The following RAB6A variants were observed in gnomAD, a reference collection of about 807,000 sequenced individuals.
RAB6A encodes ras-related protein Rab-6A.
RAB6A carries 8 observed loss-of-function variants against 32.3 expected under a neutral mutation model. The observed-to-expected ratio is 0.25, with a 90% CI of 0.15 to 0.45. The LOEUF is 0.45. RAB6A is among the 20% of genes least tolerant of loss of function. The pLI, the probability that RAB6A is intolerant of heterozygous loss-of-function variation, is 1.00. For missense variants in RAB6A, 104 were observed against 249.4 expected (o/e 0.42, Z 3.93); for synonymous variants, 73 against 82.1 (o/e 0.89, Z 0.60).
intron 6 of RAB6A, among the ~76,000 whole-genome samples, chr11:73,691,471 C>T (rs1022505913): frequency 1.3e-5 from 2 of 152,188 alleles, no homozygotes; most frequent in Admixed American, 6.5e-5. Context: ...CCAAGTAGCA[C>T]CAGTAGTTCT....
intron 5 of RAB6A, among the ~76,000 whole-genome samples, chr11:73,710,698 T>C (rs1197357531): frequency 6.6e-6 from 1 of 151,800 alleles, no homozygotes. Context: ...GGTTGTGCTA[T>C]TGCACTCCAG....
At chr11:73,743,024 C>T (rs919359698) in intron 1 of RAB6A, among the ~76,000 whole-genome samples, 10 of 152,028 alleles carry the variant, frequency 6.6e-5, no homozygotes, top group Admixed American at 2.0e-4. Context: ...CACTGTAAGG[C>T]CAAGCACGGT....
intron 1 of RAB6A, among the ~76,000 whole-genome samples, chr11:73,751,506 A>C (rs1946668264): frequency 1.3e-5 from 2 of 152,200 alleles, no homozygotes; most frequent in South Asian, 4.1e-4. Context: ...GGCCAAGTAC[A>C]TCTAGAAATA....
At chr11:73,754,629 A>T (rs1334031924) in intron 1 of RAB6A, among the ~76,000 whole-genome samples, 1 of 152,218 alleles carries the variant, frequency 6.6e-6, no homozygotes, top group Non-Finnish European at 1.5e-5. Flanking sequence ...AAATGATGTT[A>T]ACATGAAGGC....
chr11:73,718,275 G>A (rs1164397244), intron 4 of RAB6A, among the ~76,000 whole-genome samples: 1 of 152,098 alleles, frequency 6.6e-6, no homozygotes, highest in Admixed American at 6.6e-5. Context: ...CTTAAATGCA[G>A]ATCATTTTAT....
At chr11:73,705,911 C>CA (rs1298238615) in intron 6 of RAB6A, among the ~76,000 whole-genome samples, 10 of 151,626 alleles carry the variant, frequency 6.6e-5, no homozygotes, top group African/African-American at 2.2e-4. Flanking sequence ...TGGGAAATGT[C>CA]AGAGAAAATG....
chr11:73,727,361 G>C (rs1202703931), intron 2 of RAB6A, among the ~76,000 whole-genome samples: 1 of 151,714 alleles, frequency 6.6e-6, no homozygotes, highest in Non-Finnish European at 1.5e-5. Flanking sequence ...AAGAATTCAA[G>C]GTGACAATGA....
rs145356789 is a variant in RAB6A at position 73,733,275 on chromosome 11, G to A, written c.71-2452C>T. ...TCTCCAGCTGTATTTTAGGCCAGGC[G>A]CGGTGGCTCACAGCTGTAATCCCAA... On this transcript the variant is annotated intron_variant, in intron 1 of 7. Transcript: ENST00000336083. 7.5e-4 allele frequency among the ~76,000 whole-genome samples: 114 copies of A among 152,218 alleles called. 1 individual carries two copies. The highest frequency in any genetic ancestry group is 3.4e-3 in the Middle Eastern group (1 of 294).
intron 1 of RAB6A, chr11:73,759,955 T>A: frequency 9.5e-5 from 94 of 992,756 alleles, no homozygotes; most frequent in Non-Finnish European, 1.2e-4. Flanking sequence ...CATGCTCAAG[T>A]CGTCTCCAAT....
At chr11:73,714,934 C>A (rs965379950) in intron 5 of RAB6A, among the ~76,000 whole-genome samples, 2 of 152,066 alleles carry the variant, frequency 1.3e-5, no homozygotes, top group Non-Finnish European at 2.9e-5. Flanking sequence ...CCACTGCATT[C>A]CAGCCTGGGC....
chr11:73,704,110 G>A (rs1300153488), intron 6 of RAB6A: 2 of 298,960 alleles, frequency 6.7e-6, no homozygotes, highest in South Asian at 2.8e-5. Context: ...CGACCAGGCA[G>A]AGGGGCTCAT....
At position 73,743,833 on chromosome 11, in the gene RAB6A, T is replaced by C. The variant is rs151249468; in HGVS notation, c.71-13010A>G. Among the ~76,000 whole-genome samples, 521 of 152,294 alleles carry C rather than the reference T, an allele frequency of 3.4e-3. 2 individuals are homozygous for C. The highest frequency in any genetic ancestry group is 5.5e-3 in the Non-Finnish European group (373 of 68,028). ...CTGGTTACATTATTAGCTCATAAAA[T>C]TGATATCAGATATGGTTCTGCCTGA... On this transcript the variant is annotated intron_variant, in intron 1 of 7. Transcript: ENST00000336083.
At chr11:73,700,373 G>A (rs1201478397) in intron 6 of RAB6A, among the ~76,000 whole-genome samples, 4 of 152,132 alleles carry the variant, frequency 2.6e-5, no homozygotes, top group Admixed American at 6.6e-5. Context: ...GGCCAAGGCT[G>A]GTGGATCACT....
chr11:73,679,252 G>A (rs1318178327), intron 7 of RAB6A, among the ~76,000 whole-genome samples: 1 of 152,150 alleles, frequency 6.6e-6, no homozygotes, highest in Non-Finnish European at 1.5e-5. Context: ...TGAAAGCAGA[G>A]GCTACAATAA....
intron 6 of RAB6A, among the ~76,000 whole-genome samples, chr11:73,699,724 C>T (rs1026192678): frequency 1.3e-5 from 2 of 152,182 alleles, no homozygotes; most frequent in African/African-American, 4.8e-5. Context: ...CCACATTTTA[C>T]ATAACTTTTT....
intron 6 of RAB6A, among the ~76,000 whole-genome samples, chr11:73,701,436 T>C (rs59986784): frequency 5.3e-4 from 81 of 152,348 alleles, no homozygotes; most frequent in African/African-American, 1.9e-3. Flanking sequence ...AACTTCTGAA[T>C]TGTGACTGAC....
intron 1 of RAB6A, among the ~76,000 whole-genome samples, chr11:73,731,721 TATATATATATACACAC>T (rs1302116390): frequency 0.11 from 1,223 of 11,088 alleles, 28 homozygotes; most frequent in East Asian, 0.29. Context: ...TATATATATA[TATATATATATACACAC>T]ACACACACAT....
At chr11:73,708,204 T>C (rs996134818) in intron 5 of RAB6A, among the ~76,000 whole-genome samples, 7 of 151,972 alleles carry the variant, frequency 4.6e-5, no homozygotes, top group Non-Finnish European at 7.4e-5. Flanking sequence ...GTTTTGCTCT[T>C]GTCACCCAGG....
chr11:73,727,560 AACT>A (rs1365763537), intron 2 of RAB6A, among the ~76,000 whole-genome samples: 1 of 152,222 alleles, frequency 6.6e-6, no homozygotes, highest in Non-Finnish European at 1.5e-5. Flanking sequence ...AAACCCATCC[AACT>A]ACTAAATGGT....
Sources: gnomAD v4.1 joint callset for allele counts (sites outside exome capture counted in the v4.1 genomes callset) on GRCh38, gnomAD v4.1.1 for gene constraint, MANE v1.5 for transcripts, NCBI Gene and HGNC (gene_info 2026-07-23, HGNC 2026-07-21) for gene names.